Variants in MARCHF1 observed in about 807,000 individuals in gnomAD.
The protein encoded by MARCHF1 is membrane associated ring-CH-type finger 1, also known as E3 ubiquitin-protein ligase MARCHF1.
Under a neutral mutation model 54.2 loss-of-function variants are expected in MARCHF1, and 40 were observed. The observed-to-expected ratio is 0.74, with a 90% CI of 0.57 to 0.96. MARCHF1 has a LOEUF of 0.96. Ranked by LOEUF, MARCHF1 falls within the 40% of genes least tolerant of loss-of-function variation. The probability of loss-of-function intolerance (pLI) is 0.00; values close to 1 mark genes in which losing one functional copy is unlikely to be tolerated. For synonymous variants in MARCHF1, 236 were observed against 236.3 expected (o/e 1.00, Z 0.01); for missense variants, 586 against 656.5 (o/e 0.89, Z 1.17).
At chr4:164,229,790 G>A (rs1211572763) in intron 1 of MARCHF1, among the ~76,000 whole-genome samples, 1 of 152,074 alleles carries the variant, frequency 6.6e-6, no homozygotes, top group African/African-American at 2.4e-5. Flanking sequence ...GAACAAGAGG[G>A]TAGGTGCTAC....
intron 1 of MARCHF1, among the ~76,000 whole-genome samples, chr4:164,307,493 T>C (rs1414642105): frequency 6.6e-6 from 1 of 152,234 alleles, no homozygotes; most frequent in African/African-American, 2.4e-5. Flanking sequence ...AAAGCTCGTC[T>C]CTTCCCAACC....
At chr4:164,115,607 T>C (rs895436879) in intron 1 of MARCHF1, among the ~76,000 whole-genome samples, 1 of 152,046 alleles carries the variant, frequency 6.6e-6, no homozygotes, top group Non-Finnish European at 1.5e-5. Context: ...TGAAGAGACA[T>C]TGCAGAAATG....
chr4:164,247,486 T>C (rs904571810), intron 1 of MARCHF1, among the ~76,000 whole-genome samples: 7 of 151,444 alleles, frequency 4.6e-5, no homozygotes, highest in African/African-American at 7.3e-5. Context: ...AGGGATAGCA[T>C]TGGGAGATAT....
intron 5 of MARCHF1, among the ~76,000 whole-genome samples, chr4:163,667,626 C>T (rs1204081960): frequency 6.6e-6 from 1 of 151,624 alleles, no homozygotes; most frequent in African/African-American, 2.4e-5. Flanking sequence ...CATTATTATA[C>T]AAACTTTTTT....
Position 163,612,296 on chromosome 4 carries a change from C to T in MARCHF1, c.985G>A (p.Gly329Arg), listed in dbSNP as rs746812281. ...CTGCATACTTCTAAATTATCAGACC[C>T]ATCGTCATAGGTGGCAGGAGGCTTC... ...VQKPPATYDDGSDNLEVCRIC... is the reference protein window; with the variant it reads ...VQKPPATYDDRSDNLEVCRIC... Residue 329 changes from glycine to arginine, a missense_variant, in exon 7 of 10, where the codon GGG becomes AGG. Gly to Arg is a moderately radical substitution (Grantham distance 125). Transcript: ENST00000514618. 2 of 1,516,982 alleles carry T rather than the reference C, an allele frequency of 1.3e-6. No individual in the cohort carries two copies. The highest frequency in any genetic ancestry group is 2.5e-5 in the South Asian group (2 of 80,402). The allele number at this position is 1,516,982 out of a possible 1,614,324, so 94.0% of individuals were successfully genotyped here. A position where few individuals can be genotyped will look rare whatever the true frequency, so the allele number is the denominator to read the frequency against.
At chr4:163,774,056 G>A (rs556093359) in intron 4 of MARCHF1, among the ~76,000 whole-genome samples, 1 of 152,140 alleles carries the variant, frequency 6.6e-6, no homozygotes, top group East Asian at 1.9e-4. Flanking sequence ...GTATCTGTGG[G>A]GGATTGGTTT....
chr4:164,379,899 G>A (rs778124986), intron 1 of MARCHF1, among the ~76,000 whole-genome samples: 1 of 151,666 alleles, frequency 6.6e-6, no homozygotes, highest in Non-Finnish European at 1.5e-5. Flanking sequence ...AGTAAGCAGT[G>A]ATTGCGCCAC....
At chr4:164,117,166 G>A (rs1391344485) in intron 1 of MARCHF1, among the ~76,000 whole-genome samples, 1 of 151,986 alleles carries the variant, frequency 6.6e-6, no homozygotes, top group African/African-American at 2.4e-5. Flanking sequence ...GCTGAGACAG[G>A]AGAATCGCTT....
At chr4:163,766,213 T>C (rs1438952183) in intron 4 of MARCHF1, among the ~76,000 whole-genome samples, 5 of 151,994 alleles carry the variant, frequency 3.3e-5, no homozygotes, top group Non-Finnish European at 7.4e-5. Flanking sequence ...AGCATTTCTT[T>C]TAAAATTTCT....
At chr4:163,918,143 A>C (rs1415273016) in intron 3 of MARCHF1, among the ~76,000 whole-genome samples, 2 of 152,162 alleles carry the variant, frequency 1.3e-5, no homozygotes, top group Admixed American at 1.3e-4. Flanking sequence ...TCATTTAGTA[A>C]ATAGGGAATC....
intron 4 of MARCHF1, among the ~76,000 whole-genome samples, chr4:163,754,458 A>G (rs527664789): frequency 6.6e-6 from 1 of 152,340 alleles, no homozygotes; most frequent in East Asian, 1.9e-4. Flanking sequence ...GCAAGAATAG[A>G]CATCCTGGAT....
intron 1 of MARCHF1, among the ~76,000 whole-genome samples, chr4:164,343,874 G>A (rs1021862451): frequency 6.6e-6 from 1 of 152,106 alleles, no homozygotes; most frequent in Non-Finnish European, 1.5e-5. Flanking sequence ...TCATTATTGG[G>A]TATATACTCA....
chr4:163,765,054 T>A (rs952270930), intron 4 of MARCHF1, among the ~76,000 whole-genome samples: 4 of 152,092 alleles, frequency 2.6e-5, no homozygotes, highest in African/African-American at 9.7e-5. Flanking sequence ...ATATTATAAA[T>A]CAGTGTGCAT....
intron 1 of MARCHF1, among the ~76,000 whole-genome samples, chr4:164,236,592 T>C (rs969376116): frequency 2.6e-5 from 4 of 152,146 alleles, no homozygotes; most frequent in Admixed American, 6.6e-5. Context: ...GGGCAAAGCA[T>C]TGTCTTGTTT....
At chr4:164,142,295 AAGCTCAAACTGGGTGGAGCCCACCAC>A (rs1359330589) in intron 1 of MARCHF1, among the ~76,000 whole-genome samples, 2 of 152,164 alleles carry the variant, frequency 1.3e-5, no homozygotes, top group East Asian at 1.9e-4. Context: ...AGCAGCCTGG[AAGCTCAAACTGGGTGGAGCCCACCAC>A]AGCTCAAGGA....
intron 3 of MARCHF1, among the ~76,000 whole-genome samples, chr4:163,984,907 T>C (rs2110877475): frequency 6.6e-6 from 1 of 152,286 alleles, no homozygotes; most frequent in East Asian, 1.9e-4. Flanking sequence ...AAAAGAAATC[T>C]GGAACTATGA....
intron 1 of MARCHF1, among the ~76,000 whole-genome samples, chr4:164,230,928 G>T (rs570519135): frequency 1.3e-5 from 2 of 152,212 alleles, no homozygotes; most frequent in Admixed American, 1.3e-4. Context: ...ATGTCAAAAT[G>T]TTCCTGTTCT....
chr4:163,925,381 C>T (rs912666728), intron 3 of MARCHF1, among the ~76,000 whole-genome samples: 1 of 151,764 alleles, frequency 6.6e-6, no homozygotes, highest in African/African-American at 2.4e-5. Flanking sequence ...CCTGAATGTA[C>T]TATGTACTCC....
Position 163,972,894 on chromosome 4 carries a change from A to C in MARCHF1, c.-39+15607T>G, listed in dbSNP as rs74286467. 0.016 allele frequency among the ~76,000 whole-genome samples: 2,411 copies of C among 152,238 alleles called. 108 individuals carry two copies. In the East Asian group the frequency reaches 0.17, roughly 10 times the overall value. ...TTTAAAAGCTCTATTAGTTATAGAA[A>C]TCTAAGGGGCTCAATTTAGAAGAAT... On this transcript the variant is annotated intron_variant, in intron 3 of 9. Coordinates refer to ENST00000514618, the MANE Select transcript of MARCHF1 (RefSeq NM_001394959.1).
Sources: gnomAD v4.1 joint callset for allele counts (sites outside exome capture counted in the v4.1 genomes callset) on GRCh38, gnomAD v4.1.1 for gene constraint, MANE v1.5 for transcripts, NCBI Gene and HGNC (gene_info 2026-07-23, HGNC 2026-07-21) for gene names.